The following LLGL1 variants were observed in gnomAD, a reference collection of about 807,000 sequenced individuals.
LLGL1 encodes lethal(2) giant larvae protein homolog 1.
LLGL1 carries 58 observed loss-of-function variants against 110.6 expected under a neutral mutation model. The ratio of observed to expected loss-of-function variants is 0.52; its 90% CI spans 0.42 to 0.65. The LOEUF is 0.65. LLGL1 is among the 30% of genes least tolerant of loss of function. LLGL1 has a pLI of 0.00. For missense variants in LLGL1, 1,229 were observed against 1,462.1 expected, an observed-to-expected ratio of 0.84 and a Z score of 2.60; for synonymous variants, 674 against 607.2, an observed-to-expected ratio of 1.11 and a Z score of -1.62.
In LLGL1 at chr17:18,235,532, G is replaced by A. The variant is rs756132432; in HGVS notation, c.1347G>A (p.Leu449=). ...AGCCGTCACAGCGAGGGCTGCTGCTGACGGGGTAGGTGTGCGTGCTTATGT... is the reference window on the plus strand; with the variant it reads ...AGCCGTCACAGCGAGGGCTGCTGCTAACGGGGTAGGTGTGCGTGCTTATGT... The part of the protein sequence containing the change: ...AQEPSQRGLL[L]TGHEDGTVRF... The change falls in exon 11 of 23, where the codon CTG becomes CTA. Residue 449 remains leucine, a synonymous_variant. Transcript: ENST00000316843. 18 of 1,613,716 alleles carry A rather than the reference G, an allele frequency of 1.1e-5. 2 individuals are homozygous for A. In the South Asian group the frequency reaches 2.0e-4, roughly 18 times the overall value.
At chr17:18,237,044 C>G (rs766965174) in intron 13 of LLGL1, 105 bp downstream of exon 13, 1 of 1,005,030 alleles carries the variant, frequency 9.9e-7, no homozygotes, top group Non-Finnish European at 1.5e-6. Flanking sequence ...CAGGCAAAAG[C>G]CAAGGTGGGA....
intron 20 of LLGL1, 38 bp from the exon 21 acceptor site, chr17:18,242,470 A>G: frequency 6.2e-7 from 1 of 1,612,522 alleles, no homozygotes. Flanking sequence ...AGAGGGTGCT[A>G]AGGGTCCTGG....
At chr17:18,227,623 G>A (rs2047476457) in intron 1 of LLGL1, among the ~76,000 whole-genome samples, 1 of 152,210 alleles carries the variant, frequency 6.6e-6, no homozygotes, top group Non-Finnish European at 1.5e-5. Flanking sequence ...CTGGGTTCAA[G>A]CTATCTATCC....
Position 18,244,637 on chromosome 17 carries a change from A to ATGAG in LLGL1, c.*734_*737dup, listed in dbSNP as rs899775800. ...CTTCTGGGCCAGTCCCCAGCCTGTC[A>ATGAG]TGAGTGTGTGTGTGCGGGCATGGAT... On this transcript the variant is annotated 3_prime_UTR_variant, in exon 23 of 23. Coordinates refer to ENST00000316843, the MANE Select transcript of LLGL1 (RefSeq NM_004140.4). 2.8e-5 allele frequency: 4 copies of ATGAG among 143,936 alleles called. No homozygotes were observed. The highest frequency in any genetic ancestry group is 1.0e-4 in the African/African-American group (4 of 38,664). 8.9% of individuals were successfully genotyped at this position (143,936 alleles called of 1,614,324 possible).
intron 17 of LLGL1, 30 bp from the exon 18 acceptor site, chr17:18,241,421 G>T (rs1217115351): frequency 6.2e-6 from 10 of 1,601,926 alleles, no homozygotes; most frequent in Non-Finnish European, 8.5e-6. Context: ...ACAGGGCCAG[G>T]CTTTGTGCTC....
intron 16 of LLGL1, among the ~76,000 whole-genome samples, chr17:18,238,815 C>T (rs527853082): frequency 7.2e-5 from 11 of 152,128 alleles, no homozygotes; most frequent in Admixed American, 3.9e-4. Flanking sequence ...GTTTGAGACC[C>T]GCCAGGCCAA....
rs1346022546 is a variant in LLGL1 at position 18,244,617 on chromosome 17, G to C, written c.*711G>C. 1.3e-5 allele frequency: 2 copies of C among 153,248 alleles called. No individual in the cohort carries two copies. The highest frequency in any genetic ancestry group is 4.9e-5 in the African/African-American group (2 of 41,114). 9.5% of individuals were successfully genotyped at this position (153,248 alleles called of 1,614,324 possible). ...CTAAACTATTTTGGTACCTGCTTCT[G>C]GGCCAGTCCCCAGCCTGTCATGAGT... On this transcript the variant is annotated 3_prime_UTR_variant, in exon 23 of 23. Coordinates refer to ENST00000316843, the MANE Select transcript of LLGL1 (RefSeq NM_004140.4).
intron 17 of LLGL1, 154 bp downstream of exon 17, chr17:18,241,027 C>T: frequency 1.2e-6 from 1 of 819,276 alleles, no homozygotes; most frequent in Non-Finnish European, 1.8e-6. Flanking sequence ...TCCCAGCCAG[C>T]AGAGAACTCC....
intron 14 of LLGL1, 111 bp downstream of exon 14, chr17:18,237,884 C>T: frequency 7.4e-6 from 10 of 1,343,242 alleles, no homozygotes; most frequent in South Asian, 2.8e-5. Context: ...CCTCCATTGC[C>T]CTATAAGAAA....
rs1219473406 is a variant in LLGL1, at chr17:18,244,722, CGGGGGGGGGGGGCAG to C, written c.*826_*840del. The C allele has an allele frequency of 2.5e-3, 20 of 7,902 alleles. 3 individuals carry two copies. The highest frequency in any genetic ancestry group is 5.4e-3 in the Admixed American group (2 of 372). The allele number at this position is 7,902 out of a possible 1,614,324, so 0.5% of individuals were successfully genotyped here. A position where few individuals can be genotyped will look rare whatever the true frequency, so the allele number is the denominator to read the frequency against. Reference sequence around the variant, plus strand: ...GGCCTAGTCAGGTGTGTGTGTCCGGCGGGGGGGGGGGGCAGGGGGGGGGGTCAAGATGAGTTTCCC... The same window carrying C: ...GGCCTAGTCAGGTGTGTGTGTCCGGCGGGGGGGGGTCAAGATGAGTTTCCC... On this transcript the variant is annotated 3_prime_UTR_variant, in exon 23 of 23. Transcript: ENST00000316843.
In LLGL1 at chr17:18,238,496, C is replaced by G. The variant is rs529634225; in HGVS notation, c.2093C>G (p.Pro698Arg). ...ANAQLAEQAC[P>R]HDVEMTPVQR... ...GCACAGCTGGCTGAGCAGGCCTGCC[C>G]CCACGACGTGGAGATGACGCCCGTG... Residue 698 changes from proline (P) to arginine (R), a missense_variant, in exon 16 of 23, where the codon CCC (proline) becomes CGC (arginine). Coordinates refer to ENST00000316843, the MANE Select transcript of LLGL1 (RefSeq NM_004140.4). 6 of 1,612,356 alleles carry G rather than the reference C, an allele frequency of 3.7e-6. No individual in the cohort carries two copies. The South Asian group carries it at 6.6e-5, about 18-fold the overall frequency.
At chr17:18,242,485 G>C in intron 20 of LLGL1, 23 bp from the exon 21 acceptor site, 2 of 1,613,660 alleles carry the variant, frequency 1.2e-6, no homozygotes, top group African/African-American at 1.3e-5. Flanking sequence ...TCCTGGTAGG[G>C]GCTGATGACT....
At chr17:18,237,880 T>C (rs1354342261) in intron 14 of LLGL1, 107 bp downstream of exon 14, 2 of 1,354,242 alleles carry the variant, frequency 1.5e-6, no homozygotes, top group East Asian at 4.8e-5. Flanking sequence ...CTAACCTCCA[T>C]TGCCCTATAA....
intron 10 of LLGL1, 40 bp from the exon 11 acceptor site, chr17:18,235,430 G>T (rs376248216): frequency 1.2e-6 from 2 of 1,612,356 alleles, no homozygotes; most frequent in Non-Finnish European, 1.7e-6. Context: ...GAAGATGTTC[G>T]TCCTAACCTT....
At chr17:18,238,320 C>A in intron 15 of LLGL1, 106 bp downstream of exon 15, 1 of 1,576,380 alleles carries the variant, frequency 6.3e-7, no homozygotes, top group Admixed American at 1.7e-5. Flanking sequence ...CCTCCCTCGG[C>A]AGCCCCTGGG....
intron 4 of LLGL1, among the ~76,000 whole-genome samples, chr17:18,233,017 G>A (rs1342898067): frequency 6.6e-6 from 1 of 152,214 alleles, no homozygotes; most frequent in Non-Finnish European, 1.5e-5. Context: ...GGTTGAGTCC[G>A]ACGTGAGCAG....
In LLGL1 at chr17:18,241,474, C is replaced by T. The variant is rs376243078; in HGVS notation, c.2526C>T (p.Ser842=). 122 of 1,613,112 alleles carry T rather than the reference C, an allele frequency of 7.6e-5. No individual in the cohort carries two copies. Among genetic ancestry groups the T allele is most frequent in the Non-Finnish European group, 9.9e-5 (117 of 1,179,908 alleles). The change falls in exon 18 of 23, where the codon AGC becomes AGT. Residue 842 remains serine, a synonymous_variant. Coordinates refer to ENST00000316843, the MANE Select transcript of LLGL1 (RefSeq NM_004140.4). Reference sequence around the variant, plus strand: ...AGGTGTTCACACTGCCCAAGGTGAGCGCGAAGACCAAGTTCAAGCTGACGG... The same window carrying T: ...AGGTGTTCACACTGCCCAAGGTGAGTGCGAAGACCAAGTTCAAGCTGACGG... The part of the protein sequence containing the change: ...QFKVFTLPKV[S]AKTKFKLTAH...
At chr17:18,243,399 A>G (rs1434320862) in intron 22 of LLGL1, among the ~76,000 whole-genome samples, 11 of 152,090 alleles carry the variant, frequency 7.2e-5, no homozygotes, top group Non-Finnish European at 1.3e-4. Context: ...GAGCCACCGC[A>G]CCCGGCCAAC....
Position 18,229,996 on chromosome 17 carries a change from T to A in LLGL1, c.137T>A (p.Leu46His), listed in dbSNP as rs1322407439. ...AGCGCCCTGGCCTTCGACCCGGAAC[T>A]TCGCATCATGGCCATCGGCACCAGG... The part of the protein sequence containing the change: ...QPSALAFDPE[L>H]RIMAIGTRSG... Residue 46 changes from leucine to histidine, a missense_variant, in exon 2 of 23, where the codon CTT becomes CAT. Transcript: ENST00000316843. 6.2e-7 allele frequency: 1 copy of A among 1,612,382 alleles called. No individual in the cohort carries two copies. The highest frequency in any genetic ancestry group is 8.5e-7 in the Non-Finnish European group (1 of 1,179,796).
Sources: gnomAD v4.1 joint callset for allele counts (sites outside exome capture counted in the v4.1 genomes callset) on GRCh38, gnomAD v4.1.1 for gene constraint, MANE v1.5 for transcripts, NCBI Gene and HGNC (gene_info 2026-07-23, HGNC 2026-07-21) for gene names.